SEMA3A: variants seen among roughly 807,000 people sequenced by gnomAD.
SEMA3A encodes semaphorin-3A.
A neutral mutation model predicts 97.9 loss-of-function variants in SEMA3A; 29 were observed. The observed-to-expected ratio is 0.30, with a 90% confidence interval of 0.22 to 0.40. SEMA3A has a LOEUF of 0.40. Ranked by LOEUF, SEMA3A falls within the 10% of genes least tolerant of loss-of-function variation. SEMA3A has a pLI of 1.00. For synonymous variants in SEMA3A, 321 were observed against 323.7 expected, an observed-to-expected ratio of 0.99 and a Z score of 0.09; for missense variants, 763 against 951.3, an observed-to-expected ratio of 0.80 and a Z score of 2.60.
In SEMA3A at chr7:84,258,531, G is replaced by A. The variant is rs117086352; in HGVS notation, c.-83+48676C>T. On this transcript the variant is annotated intron_variant, in intron 3 of 3. Coordinates refer to the SEMA3A transcript ENST00000424555. ...CTCATCCTTGTGGGAAAAAAAATGG[G>A]GACAGTCACTTTGGTTTTTGCAGGA... Among the ~76,000 whole-genome samples the A allele has an allele frequency of 7.5e-3, 1,122 of 149,402 alleles. 10 individuals are homozygous for A. Among genetic ancestry groups the A allele is most frequent in the South Asian group, 0.025 (118 of 4,678 alleles).
At chr7:84,396,049 A>G (rs1469829139) in intron 1 of SEMA3A, among the ~76,000 whole-genome samples, 1 of 152,116 alleles carries the variant, frequency 6.6e-6, no homozygotes, top group Non-Finnish European at 1.5e-5. Flanking sequence ...ATTCACAAAT[A>G]GTTAAAAATA....
intron 3 of SEMA3A, among the ~76,000 whole-genome samples, chr7:84,119,229 A>C (rs1795526235): frequency 6.6e-6 from 1 of 152,208 alleles, no homozygotes; most frequent in Non-Finnish European, 1.5e-5. Context: ...ACATGTATGC[A>C]TACATAATAG....
At chr7:84,366,147 C>T (rs1319880340) in intron 2 of SEMA3A, among the ~76,000 whole-genome samples, 1 of 150,880 alleles carries the variant, frequency 6.6e-6, no homozygotes, top group African/African-American at 2.4e-5. Flanking sequence ...ATGTCAAAGA[C>T]CTCCTTCTCC....
intron 2 of SEMA3A, among the ~76,000 whole-genome samples, chr7:84,331,600 TGTATATACAG>T (rs1801910318): frequency 1.3e-5 from 2 of 152,060 alleles, no homozygotes; most frequent in South Asian, 4.1e-4. Flanking sequence ...GATGTCATTG[TGTATATACAG>T]GACGTCCACA....
chr7:84,113,112 A>G (rs1013291651), intron 3 of SEMA3A, among the ~76,000 whole-genome samples: 2 of 152,248 alleles, frequency 1.3e-5, no homozygotes, highest in Non-Finnish European at 2.9e-5. Flanking sequence ...TCTTGGGCTT[A>G]GAGGATATAA....
intron 4 of SEMA3A, 80 bp from the exon 5 acceptor site, chr7:84,060,638 G>T (rs1210143916): frequency 2.3e-6 from 2 of 854,342 alleles, no homozygotes; most frequent in African/African-American, 1.8e-5. Context: ...GTTAATCAGA[G>T]AGATGTCAAG....
intron 2 of SEMA3A, among the ~76,000 whole-genome samples, chr7:84,327,940 T>C (rs1801808795): frequency 6.6e-6 from 1 of 152,016 alleles, no homozygotes; most frequent in Non-Finnish European, 1.5e-5. Flanking sequence ...TAATGTAATA[T>C]TTGCATATAT....
intron 3 of SEMA3A, among the ~76,000 whole-genome samples, chr7:84,212,361 AAATT>A (rs1223157140): frequency 6.6e-6 from 1 of 152,156 alleles, no homozygotes; most frequent in East Asian, 1.9e-4. Context: ...CATATTGGGG[AAATT>A]AATTCTCTTT....
chr7:84,101,075 A>G (rs986158726), intron 4 of SEMA3A, among the ~76,000 whole-genome samples: 1 of 152,162 alleles, frequency 6.6e-6, no homozygotes, highest in Non-Finnish European at 1.5e-5. Context: ...CTGCTTCCCC[A>G]TGGAACCCTA....
At chr7:84,256,137 G>A (rs1460506991) in intron 3 of SEMA3A, among the ~76,000 whole-genome samples, 1 of 152,054 alleles carries the variant, frequency 6.6e-6, no homozygotes, top group Non-Finnish European at 1.5e-5. Flanking sequence ...ATGCAGAGAA[G>A]AATATGAACA....
intron 1 of SEMA3A, among the ~76,000 whole-genome samples, chr7:84,428,075 A>T (rs2116311389): frequency 6.6e-6 from 1 of 152,272 alleles, no homozygotes; most frequent in Non-Finnish European, 1.5e-5. Flanking sequence ...TTACTTTAAA[A>T]ACTCAATAAT....
At chr7:84,029,938 T>C (rs1168129660) in intron 6 of SEMA3A, among the ~76,000 whole-genome samples, 2 of 152,052 alleles carry the variant, frequency 1.3e-5, no homozygotes, top group Non-Finnish European at 2.9e-5. Context: ...TTGAAAAGAT[T>C]TGAAGGAAAA....
intron 2 of SEMA3A, among the ~76,000 whole-genome samples, chr7:84,369,617 T>C (rs1293301355): frequency 6.6e-6 from 1 of 151,016 alleles, no homozygotes; most frequent in South Asian, 2.1e-4. Flanking sequence ...CCTAGTTGTT[T>C]GTAAATGTTA....
At chr7:84,262,576 T>A (rs952485794) in intron 3 of SEMA3A, among the ~76,000 whole-genome samples, 1 of 152,180 alleles carries the variant, frequency 6.6e-6, no homozygotes, top group Non-Finnish European at 1.5e-5. Flanking sequence ...TTAAAAGAGA[T>A]GGAAACTCTT....
At chr7:84,258,639 C>T (rs1445896973) in intron 3 of SEMA3A, among the ~76,000 whole-genome samples, 2 of 152,118 alleles carry the variant, frequency 1.3e-5, no homozygotes, top group African/African-American at 2.4e-5. Flanking sequence ...ATTTTAAATG[C>T]TTCAGGTCAC....
At chr7:83,968,893 C>A (rs1382080083) in intron 15 of SEMA3A, among the ~76,000 whole-genome samples, 2 of 148,404 alleles carry the variant, frequency 1.3e-5, no homozygotes, top group Non-Finnish European at 3.0e-5. Context: ...TCACTGCAAC[C>A]TCCGCCTCCC....
chr7:84,154,710 A>C (rs1796787762), intron 1 of SEMA3A, among the ~76,000 whole-genome samples: 2 of 151,684 alleles, frequency 1.3e-5, no homozygotes, highest in African/African-American at 4.8e-5. Context: ...AAAACAAAAA[A>C]AAGACAGATG....
chr7:83,989,457 TCCCTCCC>T (rs1226766175), intron 12 of SEMA3A, among the ~76,000 whole-genome samples: 2 of 59,514 alleles, frequency 3.4e-5, no homozygotes, highest in Non-Finnish European at 9.1e-5. Context: ...CCCAATGCTA[TCCCTCCC>T]CCCTCCCCCC....
chr7:84,241,296 T>C (rs1236697844), intron 3 of SEMA3A, among the ~76,000 whole-genome samples: 1 of 152,164 alleles, frequency 6.6e-6, no homozygotes, highest in East Asian at 1.9e-4. Context: ...ATAATCACCA[T>C]TCTAACGGCA....
Sources: allele counts gnomAD v4.1 joint callset (sites outside exome capture counted in the v4.1 genomes callset), GRCh38; gene constraint gnomAD v4.1.1; transcripts MANE v1.5; gene names NCBI Gene and HGNC (gene_info 2026-07-23, HGNC 2026-07-21).